WDR25: variants seen among roughly 807,000 people sequenced by gnomAD.
WDR25 encodes the protein WD repeat-containing protein 25.
Under a neutral mutation model 47.7 loss-of-function variants are expected in WDR25, and 35 were observed. The observed-to-expected ratio is 0.73, with a 90% CI of 0.56 to 0.97. The LOEUF is 0.97. Among genes scored for constraint, WDR25 ranks in the 50% least tolerant of loss-of-function variants. The probability of loss-of-function intolerance (pLI) is 0.00; values close to 1 mark genes in which losing one functional copy is unlikely to be tolerated. For missense variants in WDR25, 634 were observed against 704.7 expected (o/e 0.90, Z 1.14); for synonymous variants, 248 against 278.9 (o/e 0.89, Z 1.10).
At position 100,424,735 on chromosome 14, in the gene WDR25, G is replaced by A. The variant is rs1444820770; in HGVS notation, c.822+42989G>A. ...ATTCGGTGGTTAGGCTGATCTCAGG[G>A]TTCCTTTCAGCAGCAGTGGCAGCCG... On this transcript the variant is annotated intron_variant, in intron 2 of 6. Transcript: ENST00000402312. The surrounding 1 kb of genome is among the most constrained non-coding windows in gnomAD (Gnocchi z 4.2). Among the ~76,000 whole-genome samples the A allele has an allele frequency of 1.3e-5, 2 of 152,144 alleles. No individual in the cohort carries two copies. Among genetic ancestry groups the A allele is most frequent in the Non-Finnish European group, 2.9e-5 (2 of 68,036 alleles).
Position 100,529,456 on chromosome 14 carries a change from G to C in WDR25, c.1413+248G>C, listed in dbSNP as rs7493442. The C allele has an allele frequency of 0.41, 254,138 of 614,604 alleles. 54,527 individuals are homozygous for C. Among genetic ancestry groups the C allele is most frequent in the East Asian group, 0.62 (21,649 of 35,176 alleles). 38.1% of individuals were successfully genotyped at this position (614,604 alleles called of 1,614,324 possible). ...GCTCACACAGACAGGTCTCAGAAGT[G>C]GGGGGCAGGAACAGGACAAAATGGT... On this transcript the variant is annotated intron_variant, in intron 6 of 6. Transcript: ENST00000402312. The surrounding 1 kb of genome is among the most constrained non-coding windows in gnomAD (Gnocchi z 5.1).
chr14:100,511,255 A>G (rs1338768440), intron 4 of WDR25, among the ~76,000 whole-genome samples: 2 of 152,058 alleles, frequency 1.3e-5, no homozygotes, highest in Non-Finnish European at 2.9e-5. Context: ...TTTTTTTGTC[A>G]GAATTTATCC....
At chr14:100,485,904 G>T (rs757915993) in intron 4 of WDR25, among the ~76,000 whole-genome samples, 1 of 151,996 alleles carries the variant, frequency 6.6e-6, no homozygotes, top group Non-Finnish European at 1.5e-5. Flanking sequence ...ATGAGATCTT[G>T]CTTAAAGTAC....
Position 100,379,533 on chromosome 14 carries a change from G to A in WDR25, c.-15-1377G>A, listed in dbSNP as rs551225458. On this transcript the variant is annotated intron_variant, in intron 1 of 6. Transcript: ENST00000402312. ...CTCTCAAGTAGCTGGGACTACAGGC[G>A]CCTGCCACCATGTCCGGCTAATTTT... 9.7e-4 allele frequency among the ~76,000 whole-genome samples: 147 copies of A among 151,594 alleles called. 1 individual carries two copies. Among genetic ancestry groups the A allele is most frequent in the African/African-American group, 3.5e-3 (145 of 41,342 alleles).
chr14:100,444,527 C>A (rs1241121526), intron 2 of WDR25, among the ~76,000 whole-genome samples: 1 of 148,668 alleles, frequency 6.7e-6, no homozygotes, highest in Non-Finnish European at 1.5e-5. Context: ...ACGTCTGGGT[C>A]CAGGTGACTT....
At chr14:100,456,903 A>G (rs897572913) in intron 2 of WDR25, among the ~76,000 whole-genome samples, 2 of 152,256 alleles carry the variant, frequency 1.3e-5, no homozygotes, top group Admixed American at 1.3e-4. Context: ...CCCCTGGCAC[A>G]GGAAACATGA....
intron 2 of WDR25, among the ~76,000 whole-genome samples, chr14:100,433,961 C>T (rs1473545072): frequency 6.6e-6 from 1 of 151,936 alleles, no homozygotes; most frequent in Non-Finnish European, 1.5e-5. Context: ...CATAGTGGCT[C>T]ATGCCTGTAA....
chr14:100,468,942 T>G lies in WDR25; in HGVS notation c.970+774T>G, dbSNP rs952170019. Among the ~76,000 whole-genome samples, 2 of 152,014 alleles carry G rather than the reference T, an allele frequency of 1.3e-5. No homozygotes were observed. Among genetic ancestry groups the G allele is most frequent in the African/African-American group, 4.8e-5 (2 of 41,358 alleles). ...CTTTCCCTCTATGTTCTCTTTCTTTTCTTTCTTTCCTTTTTAAAAATGTTT... is the reference window on the plus strand; with the variant it reads ...CTTTCCCTCTATGTTCTCTTTCTTTGCTTTCTTTCCTTTTTAAAAATGTTT... On this transcript the variant is annotated intron_variant, in intron 3 of 6. Coordinates refer to ENST00000402312, the MANE Select transcript of WDR25 (RefSeq NM_001161476.3). This position sits in a 1 kb window ranked among gnomAD's most constrained non-coding sequence, Gnocchi z 4.5.
At chr14:100,439,525 T>C (rs968394549) in intron 2 of WDR25, among the ~76,000 whole-genome samples, 1 of 152,212 alleles carries the variant, frequency 6.6e-6, no homozygotes, top group Non-Finnish European at 1.5e-5. Context: ...AGCCTTTGCC[T>C]GTCTTGTGAA....
Position 100,525,786 on chromosome 14 carries a change from G to GC in WDR25, c.1102-79dup. The GC allele has an allele frequency of 1.3e-6, 2 of 1,522,352 alleles. No homozygotes were observed. The highest frequency in any genetic ancestry group is 8.9e-7 in the Non-Finnish European group (1 of 1,128,226). 94.3% of individuals were successfully genotyped at this position (1,522,352 alleles called of 1,614,324 possible). A position where few individuals can be genotyped will look rare whatever the true frequency, so the allele number is the denominator to read the frequency against. On this transcript the variant is annotated intron_variant, in intron 4 of 6. Coordinates refer to ENST00000402312, the MANE Select transcript of WDR25 (RefSeq NM_001161476.3). This position sits in a 1 kb window ranked among gnomAD's most constrained non-coding sequence, Gnocchi z 4.6. ...AGCATAAACTTCACTAAACCTGCCTGCCCCCTGGGTCCTTGGCCTTCCCTG... is the reference window on the plus strand; with the variant it reads ...AGCATAAACTTCACTAAACCTGCCTGCCCCCCTGGGTCCTTGGCCTTCCCTG...
At chr14:100,415,667 T>C (rs1185615277) in intron 2 of WDR25, among the ~76,000 whole-genome samples, 1 of 152,220 alleles carries the variant, frequency 6.6e-6, no homozygotes, top group East Asian at 1.9e-4. Flanking sequence ...CTCTCTGTAA[T>C]GCATCCCACT....
At chr14:100,438,533 T>C (rs144889525) in intron 2 of WDR25, among the ~76,000 whole-genome samples, 1 of 152,238 alleles carries the variant, frequency 6.6e-6, no homozygotes, top group African/African-American at 2.4e-5. Flanking sequence ...GAACGCCCAC[T>C]CTGTGCCAGA....
chr14:100,381,568 C>G lies in WDR25; in HGVS notation c.644C>G (p.Pro215Arg). ...GCCCCAGCCCCTCTCTACGTGGGCC[C>G]GGGAGTGTCTGAGTTTATTCAGCCA... is the stretch of plus-strand genomic sequence containing the variant. ...GRAPAPLYVG[P>R]GVSEFIQPYL... The change falls in exon 2 of 7, where the codon CCG becomes CGG. Residue 215 changes from proline to arginine, a missense_variant. Physicochemically the swap from Pro to Arg is moderately radical, Grantham distance 103. Coordinates refer to ENST00000402312, the MANE Select transcript of WDR25 (RefSeq NM_001161476.3). The G allele has an allele frequency of 6.2e-7, 1 of 1,609,618 alleles. No homozygotes were observed. The highest frequency in any genetic ancestry group is 8.5e-7 in the Non-Finnish European group (1 of 1,176,938).
intron 2 of WDR25, among the ~76,000 whole-genome samples, chr14:100,399,145 T>C (rs964459148): frequency 6.6e-6 from 1 of 152,106 alleles, no homozygotes; most frequent in African/African-American, 2.4e-5. Flanking sequence ...TTTGGGCTAA[T>C]GTTGACATTA....
chr14:100,509,214 G>T (rs948420486), intron 4 of WDR25, among the ~76,000 whole-genome samples: 2 of 152,146 alleles, frequency 1.3e-5, no homozygotes, highest in Non-Finnish European at 2.9e-5. Context: ...GACTTTCTTT[G>T]TAGGTAGATA....
rs769827751 is a variant in WDR25 at position 100,428,379 on chromosome 14, G to A, written c.823-39642G>A. Among the ~76,000 whole-genome samples, 2 of 152,194 alleles carry A rather than the reference G, an allele frequency of 1.3e-5. No homozygotes were observed. Among genetic ancestry groups the A allele is most frequent in the Non-Finnish European group, 2.9e-5 (2 of 68,038 alleles). On this transcript the variant is annotated intron_variant, in intron 2 of 6. Coordinates refer to ENST00000402312, the MANE Select transcript of WDR25 (RefSeq NM_001161476.3). This position sits in a 1 kb window ranked among gnomAD's most constrained non-coding sequence, Gnocchi z 4.3. Reference sequence around the variant, plus strand: ...GAGCCTGGTCAGAGCATGGCGTCTGGAGTCAGGCGGCCTGGCTACGGGTCT... The same window carrying A: ...GAGCCTGGTCAGAGCATGGCGTCTGAAGTCAGGCGGCCTGGCTACGGGTCT...
chr14:100,404,489 C>T lies in WDR25; in HGVS notation c.822+22743C>T, dbSNP rs376908860. On this transcript the variant is annotated intron_variant, in intron 2 of 6. Transcript: ENST00000402312. The surrounding 1 kb of genome is among the most constrained non-coding windows in gnomAD (Gnocchi z 4.6). The stretch of plus-strand genomic sequence containing the variant: ...GACCTTACCACCATGGGAGGCAGAG[C>T]GCACACCCCTCTGGTGTTCCTGGCT... Among the ~76,000 whole-genome samples, 94 of 152,350 alleles carry T rather than the reference C, an allele frequency of 6.2e-4. 1 individual carries two copies. The East Asian group carries it at 0.012, about 19-fold the overall frequency.
At chr14:100,518,298 G>A (rs76903879) in intron 4 of WDR25, among the ~76,000 whole-genome samples, 6,119 of 151,962 alleles carry the variant, frequency 0.04, 429 homozygotes, top group African/African-American at 0.14. Flanking sequence ...AGTATGTTCC[G>A]CTGTTTTCTG....
intron 4 of WDR25, among the ~76,000 whole-genome samples, chr14:100,487,202 C>T (rs1246210846): frequency 6.6e-6 from 1 of 152,178 alleles, no homozygotes; most frequent in Non-Finnish European, 1.5e-5. Context: ...CTGGCATAGG[C>T]AGGAACTCAG....
Sources: gnomAD v4.1 joint callset for allele counts (sites outside exome capture counted in the v4.1 genomes callset) on GRCh38, gnomAD v4.1.1 for gene constraint, Gnocchi (gnomAD v3.1) non-coding constraint, MANE v1.5 for transcripts, NCBI Gene and HGNC (gene_info 2026-07-23, HGNC 2026-07-21) for gene names.